The following LRRC37A variants were observed in gnomAD, a reference collection of about 807,000 sequenced individuals.
LRRC37A encodes the protein leucine-rich repeat-containing protein 37A.
Under a neutral mutation model 35.4 loss-of-function variants are expected in LRRC37A, and 3 were observed. That is an observed-to-expected ratio of 0.08 (90% confidence interval 0.04 to 0.22). The LOEUF (loss-of-function observed/expected upper bound fraction) is 0.22, where lower values mean the gene tolerates loss of function less well. LRRC37A is among the 10% of genes least tolerant of loss of function. The pLI is 1.00. For missense variants in LRRC37A, 67 were observed against 565.3 expected, an observed-to-expected ratio of 0.12 and a Z score of 8.94; for synonymous variants, 23 against 215.0, an observed-to-expected ratio of 0.11 and a Z score of 7.81.
At chr17:46,259,538 G>T in the LRRC37A span, 21 of 1,609,136 alleles carry the variant, frequency 1.3e-5, no homozygotes, top group Non-Finnish European at 1.6e-5. Flanking sequence ...CCTGTGGAGA[G>T]AGAATGGAGT....
the LRRC37A span, among the ~76,000 whole-genome samples, chr17:46,255,564 C>G: frequency 6.6e-6 from 1 of 151,660 alleles, no homozygotes; most frequent in Non-Finnish European, 1.5e-5. Flanking sequence ...TGGGGTTTCT[C>G]CATGTTGGTC....
the LRRC37A span, among the ~76,000 whole-genome samples, chr17:46,256,207 A>G: frequency 6.6e-6 from 1 of 152,098 alleles, no homozygotes; most frequent in African/African-American, 2.4e-5. Context: ...CAATATGGTG[A>G]AAAGCCATCT....
upstream of LRRC37A, chr17:46,292,832 A>G (rs2050111751): frequency 2.5e-5 from 2 of 79,636 alleles, 1 homozygote; most frequent in Non-Finnish European, 7.6e-5. Context: ...TCTGTCAATC[A>G]TTTACAATCA....
the LRRC37A span, among the ~76,000 whole-genome samples, chr17:46,248,565 G>T: frequency 4.6e-5 from 7 of 151,978 alleles, no homozygotes; most frequent in Non-Finnish European, 7.3e-5. Flanking sequence ...TGTTGCCCAG[G>T]CTGCAGTGCA....
At chr17:46,284,697 G>T in the LRRC37A span, among the ~76,000 whole-genome samples, 3 of 152,222 alleles carry the variant, frequency 2.0e-5, no homozygotes, top group Admixed American at 2.0e-4. Context: ...AGGTGGGATG[G>T]GTTCAAAGTG....
At chr17:46,255,064 G>A in the LRRC37A span, among the ~76,000 whole-genome samples, 7 of 152,102 alleles carry the variant, frequency 4.6e-5, no homozygotes, top group East Asian at 3.9e-4. Flanking sequence ...TCAAACTCCC[G>A]ACTTCAGGTG....
chr17:46,249,053 A>G, the LRRC37A span, among the ~76,000 whole-genome samples: 13 of 152,078 alleles, frequency 8.5e-5, no homozygotes, highest in African/African-American at 3.1e-4. Flanking sequence ...AGGTATTTAA[A>G]GTATACCTGA....
the LRRC37A span, among the ~76,000 whole-genome samples, chr17:46,275,845 T>C: frequency 6.6e-6 from 1 of 152,254 alleles, no homozygotes; most frequent in Non-Finnish European, 1.5e-5. Flanking sequence ...AATCATATTT[T>C]TCTATTAAAG....
the LRRC37A span, among the ~76,000 whole-genome samples, chr17:46,257,812 G>A: frequency 1.3e-5 from 1 of 78,392 alleles, no homozygotes; most frequent in African/African-American, 3.4e-5. Flanking sequence ...ACAGAGTGAG[G>A]CCCATGTCAA....
At chr17:46,284,977 C>T in the LRRC37A span, among the ~76,000 whole-genome samples, 4 of 152,212 alleles carry the variant, frequency 2.6e-5, no homozygotes, top group African/African-American at 9.7e-5. Context: ...GATCCTCTCA[C>T]CTCAGCCTCC....
chr17:46,276,790 C>CTTTT, the LRRC37A span, among the ~76,000 whole-genome samples: 6 of 134,312 alleles, frequency 4.5e-5, no homozygotes, highest in Non-Finnish European at 6.4e-5. Context: ...TTCTTTTTTT[C>CTTTT]TTTTTTTTTT....
At chr17:46,254,746 G>A in the LRRC37A span, among the ~76,000 whole-genome samples, 2 of 151,296 alleles carry the variant, frequency 1.3e-5, no homozygotes, top group Non-Finnish European at 2.9e-5. Context: ...TCACCATGTT[G>A]GCCAGGCTGG....
the LRRC37A span, among the ~76,000 whole-genome samples, chr17:46,253,914 A>C: frequency 6.6e-5 from 10 of 152,210 alleles, no homozygotes; most frequent in Non-Finnish European, 1.2e-4. Context: ...CTTTCCAAGG[A>C]TTAATAAACT....
chr17:46,292,286 C>T (rs534460022), upstream of LRRC37A, among the ~76,000 whole-genome samples: 1 of 74,492 alleles, frequency 1.3e-5, no homozygotes, highest in African/African-American at 3.4e-5. Flanking sequence ...GAGCCGAGAT[C>T]ATGCCACTGC....
At chr17:46,281,115 A>G in the LRRC37A span, among the ~76,000 whole-genome samples, 1 of 151,816 alleles carries the variant, frequency 6.6e-6, no homozygotes, top group Non-Finnish European at 1.5e-5. Context: ...TGTTTTATCT[A>G]AAAGTTTCTT....
At chr17:46,318,895 C>CTAGA (rs1236560431) in intron 5 of LRRC37A, among the ~76,000 whole-genome samples, 10 of 3,916 alleles carry the variant, frequency 2.6e-3, no homozygotes, top group African/African-American at 0.013. Flanking sequence ...GGCTTTAGCA[C>CTAGA]TAGACAGCTT....
chr17:46,281,236 C>T, the LRRC37A span, among the ~76,000 whole-genome samples: 1 of 152,242 alleles, frequency 6.6e-6, no homozygotes, highest in South Asian at 2.1e-4. Flanking sequence ...CCCCCCACCC[C>T]TCATAGAGTG....
upstream of LRRC37A, among the ~76,000 whole-genome samples, chr17:46,291,804 A>C (rs1270303654): frequency 6.6e-6 from 1 of 151,754 alleles, no homozygotes; most frequent in Non-Finnish European, 1.5e-5. Context: ...AAACACCCCA[A>C]AATTAGCCAG....
At chr17:46,287,840 G>C (rs2049960340), upstream of LRRC37A, among the ~76,000 whole-genome samples, 1 of 152,250 alleles carries the variant, frequency 6.6e-6, no homozygotes, top group African/African-American at 2.4e-5. Context: ...TGTGATTGTG[G>C]AGTGCACAGT....
Sources: allele counts gnomAD v4.1 joint callset (sites outside exome capture counted in the v4.1 genomes callset), GRCh38; gene constraint gnomAD v4.1.1; transcripts MANE v1.5; gene names NCBI Gene and HGNC (gene_info 2026-07-23, HGNC 2026-07-21).